Variants in TBC1D19 observed in about 807,000 individuals in gnomAD.
TBC1D19 encodes TBC1 domain family, member 19.
TBC1D19 carries 60 observed loss-of-function variants against 89.0 expected under a neutral mutation model. That is an observed-to-expected ratio of 0.67 (90% confidence interval 0.55 to 0.84). The LOEUF (loss-of-function observed/expected upper bound fraction) is 0.84. TBC1D19 is among the 40% of genes least tolerant of loss of function. The pLI, the probability that TBC1D19 is intolerant of heterozygous loss-of-function variation, is 0.00. For missense variants in TBC1D19, 500 were observed against 610.8 expected (o/e 0.82, Z 1.91); for synonymous variants, 189 against 199.7 (o/e 0.95, Z 0.45).
At chr4:26,753,951 A>G (rs13145294) in intron 20 of TBC1D19, 61 bp downstream of exon 20, 5 of 1,588,038 alleles carry the variant, frequency 3.1e-6, no homozygotes, top group Non-Finnish European at 4.3e-6. Flanking sequence ...CCAGGCTGTC[A>G]TTTTAGTGTC....
At chr4:26,642,079 C>A (rs1164896906) in intron 7 of TBC1D19, among the ~76,000 whole-genome samples, 1 of 152,104 alleles carries the variant, frequency 6.6e-6, no homozygotes, top group African/African-American at 2.4e-5. Context: ...ATACAGAAAA[C>A]ACCACAAAGA....
At chr4:26,610,668 G>C (rs1168378855) in intron 1 of TBC1D19, among the ~76,000 whole-genome samples, 3 of 151,740 alleles carry the variant, frequency 2.0e-5, no homozygotes, top group African/African-American at 7.3e-5. Context: ...TGTACTCAAT[G>C]TTCAGTTTCC....
intron 1 of TBC1D19, among the ~76,000 whole-genome samples, chr4:26,599,034 GTTC>G (rs1740425449): frequency 6.6e-6 from 1 of 151,926 alleles, no homozygotes; most frequent in African/African-American, 2.4e-5. Context: ...TATTTGGCTG[GTTC>G]TTAAGATAAA....
the TBC1D19 span, among the ~76,000 whole-genome samples, chr4:26,850,540 C>CAAAAAAAAAAAA: frequency 3.3e-3 from 296 of 90,342 alleles, 13 homozygotes; most frequent in African/African-American, 9.3e-3. Flanking sequence ...GACCCTGTCT[C>CAAAAAAAAAAAA]AAAAAAAAAA....
chr4:26,653,951 G>T (rs1284877052), intron 7 of TBC1D19, among the ~76,000 whole-genome samples: 1 of 152,166 alleles, frequency 6.6e-6, no homozygotes. Context: ...ATTAGTTGAT[G>T]CAGTTTCTTC....
At chr4:26,771,204 C>T in the TBC1D19 span, among the ~76,000 whole-genome samples, 14 of 151,682 alleles carry the variant, frequency 9.2e-5, no homozygotes, top group African/African-American at 2.4e-4. Flanking sequence ...CTGTTCACAA[C>T]GATGTTGAGA....
chr4:26,746,149 A>G (rs116692832), intron 18 of TBC1D19, among the ~76,000 whole-genome samples: 178 of 152,058 alleles, frequency 1.2e-3, no homozygotes, highest in Non-Finnish European at 1.9e-3. Flanking sequence ...AGTGGCACAA[A>G]TGTTCAAACT....
At chr4:26,851,315 A>ATCTGTCTG in the TBC1D19 span, among the ~76,000 whole-genome samples, 231 of 143,308 alleles carry the variant, frequency 1.6e-3, 1 homozygote, top group African/African-American at 5.3e-3. Flanking sequence ...CTATCTATCT[A>ATCTGTCTG]TCTATCTATC....
At chr4:26,716,508 C>T (rs1716621466) in intron 13 of TBC1D19, among the ~76,000 whole-genome samples, 1 of 152,070 alleles carries the variant, frequency 6.6e-6, no homozygotes, top group Non-Finnish European at 1.5e-5. Context: ...TAAGTAAATT[C>T]ACTCTAGTGT....
At chr4:26,842,584 CTTTCTT>C in the TBC1D19 span, among the ~76,000 whole-genome samples, 2 of 43,052 alleles carry the variant, frequency 4.6e-5, no homozygotes, top group African/African-American at 2.3e-4. Flanking sequence ...TCCTCCCTCC[CTTTCTT>C]TCTTTCTTTC....
the TBC1D19 span, among the ~76,000 whole-genome samples, chr4:26,808,738 A>G: frequency 6.7e-6 from 1 of 149,696 alleles, no homozygotes; most frequent in South Asian, 2.1e-4. Context: ...AAAAAAAAAA[A>G]AAAAAAAAGA....
intron 3 of TBC1D19, among the ~76,000 whole-genome samples, chr4:26,620,138 A>G (rs1741946692): frequency 6.6e-6 from 1 of 152,026 alleles, no homozygotes; most frequent in African/African-American, 2.4e-5. Context: ...TTCAAGCATT[A>G]CCTCCTCAGA....
intron 13 of TBC1D19, among the ~76,000 whole-genome samples, chr4:26,692,318 C>G (rs1714364702): frequency 6.6e-6 from 1 of 152,194 alleles, no homozygotes; most frequent in Non-Finnish European, 1.5e-5. Flanking sequence ...GGGCAGAGAT[C>G]TGGCCCAAAA....
chr4:26,576,709 A>G, exon 1 of TBC1D19: 1 of 456,150 alleles, frequency 2.2e-6, no homozygotes, highest in Middle Eastern at 3.3e-4. Context: ...CAGAAGAACA[A>G]CACAGCAGGG....
intron 13 of TBC1D19, among the ~76,000 whole-genome samples, chr4:26,705,057 A>C (rs924222330): frequency 1.3e-5 from 2 of 152,056 alleles, no homozygotes; most frequent in Non-Finnish European, 2.9e-5. Context: ...TTAACCATTT[A>C]TATATCTACT....
chr4:26,674,202 C>T (rs758755463), intron 11 of TBC1D19, among the ~76,000 whole-genome samples: 5 of 151,908 alleles, frequency 3.3e-5, no homozygotes, highest in Admixed American at 1.3e-4. Context: ...TGGTTGAATA[C>T]GGATGTTAGA....
chr4:26,578,575 A>AAG (rs143078134), intron 1 of TBC1D19, among the ~76,000 whole-genome samples: 3,496 of 148,598 alleles, frequency 0.024, 56 homozygotes, highest in African/African-American at 0.043. Flanking sequence ...GTAGAAATGT[A>AAG]AGAGAGAGAG....
At chr4:26,748,983 T>G (rs1473238631) in intron 19 of TBC1D19, among the ~76,000 whole-genome samples, 1 of 152,238 alleles carries the variant, frequency 6.6e-6, no homozygotes, top group Non-Finnish European at 1.5e-5. Context: ...CTGTGTCTAT[T>G]TATAAATGAA....
chr4:26,637,465 T>G (rs1743206920), intron 5 of TBC1D19, among the ~76,000 whole-genome samples, 180 bp downstream of exon 5: 1 of 152,004 alleles, frequency 6.6e-6, no homozygotes, highest in Non-Finnish European at 1.5e-5. Flanking sequence ...CTCCGCCTCC[T>G]GGGTTCAAGC....
Sources: gnomAD v4.1 joint callset for allele counts (sites outside exome capture counted in the v4.1 genomes callset) on GRCh38, gnomAD v4.1.1 for gene constraint, MANE v1.5 for transcripts, NCBI Gene and HGNC (gene_info 2026-07-23, HGNC 2026-07-21) for gene names.